The following CDH18 variants were observed in gnomAD, a reference collection of about 807,000 sequenced individuals.
The protein encoded by CDH18 is cadherin-18.
In CDH18, 31 loss-of-function variants were observed where a neutral mutation model predicts 67.9. The ratio of observed to expected loss-of-function variants is 0.46; its 90% CI spans 0.34 to 0.62. The LOEUF (loss-of-function observed/expected upper bound fraction) is 0.62. Ranked by LOEUF, CDH18 falls within the 20% of genes least tolerant of loss-of-function variation. The probability of loss-of-function intolerance (pLI) is 0.01; values close to 1 mark genes in which losing one functional copy is unlikely to be tolerated. For missense variants in CDH18, 890 were observed against 975.5 expected (o/e 0.91, Z 1.17); for synonymous variants, 362 against 347.2 (o/e 1.04, Z -0.48).
intron 1 of CDH18, among the ~76,000 whole-genome samples, chr5:20,507,348 C>T (rs973773381): frequency 6.6e-6 from 1 of 152,122 alleles, no homozygotes; most frequent in Non-Finnish European, 1.5e-5. Context: ...GCAATTGTCA[C>T]GCAGGAGCTC....
chr5:19,485,436 T>C (rs562082270), intron 11 of CDH18, among the ~76,000 whole-genome samples: 1 of 152,184 alleles, frequency 6.6e-6, no homozygotes, highest in South Asian at 2.1e-4. Context: ...TTTGTATTTT[T>C]AGTAGAGACG....
rs144277942 is a variant in CDH18 at position 20,058,504 on chromosome 5, G to C, written c.-517-66490C>G. On this transcript the variant is annotated intron_variant, in intron 2 of 14. Coordinates refer to the CDH18 transcript ENST00000507958. ...GGAACGTTATTATTGAGCCTTACTTGATATAATTTTGAACTTCAGGCTGCA... is the reference window on the plus strand; with the variant it reads ...GGAACGTTATTATTGAGCCTTACTTCATATAATTTTGAACTTCAGGCTGCA... Among the ~76,000 whole-genome samples, 111 of 152,180 alleles carry C rather than the reference G, an allele frequency of 7.3e-4. 3 individuals carry two copies. The East Asian group carries it at 0.017, about 23-fold the overall frequency.
intron 5 of CDH18, among the ~76,000 whole-genome samples, chr5:19,709,620 C>CAGAAAGAG (rs1764443371): frequency 9.1e-6 from 1 of 110,300 alleles, no homozygotes; most frequent in Non-Finnish European, 1.9e-5. Context: ...GACAGAATGA[C>CAGAAAGAG]AGAAAGAGAG....
chr5:20,284,034 G>T (rs11951623), intron 1 of CDH18, among the ~76,000 whole-genome samples: 1 of 151,786 alleles, frequency 6.6e-6, no homozygotes, highest in East Asian at 1.9e-4. Flanking sequence ...CACTTTGGGA[G>T]CTAAATAAAT....
chr5:20,395,750 G>C (rs1745228286), intron 1 of CDH18, among the ~76,000 whole-genome samples: 1 of 152,106 alleles, frequency 6.6e-6, no homozygotes, highest in Admixed American at 6.5e-5. Flanking sequence ...CAAAGTGTGA[G>C]CTGCTTGCCA....
At chr5:19,632,349 T>C (rs1015505674) in intron 5 of CDH18, among the ~76,000 whole-genome samples, 4 of 152,172 alleles carry the variant, frequency 2.6e-5, no homozygotes, top group African/African-American at 9.6e-5. Flanking sequence ...ATTATTTGTA[T>C]TAATAGTTCT....
intron 3 of CDH18, among the ~76,000 whole-genome samples, chr5:19,775,703 G>A (rs559398711): frequency 6.6e-6 from 1 of 152,104 alleles, no homozygotes; most frequent in East Asian, 1.9e-4. Flanking sequence ...AGATTTAGAC[G>A]GAGACAAATA....
intron 2 of CDH18, among the ~76,000 whole-genome samples, chr5:20,115,092 C>T (rs1044757111): frequency 2.0e-5 from 3 of 151,816 alleles, no homozygotes; most frequent in African/African-American, 7.3e-5. Context: ...CTGGAGTCTG[C>T]AATGTTCAAG....
At chr5:19,676,359 T>C (rs1212707237) in intron 5 of CDH18, among the ~76,000 whole-genome samples, 2 of 151,992 alleles carry the variant, frequency 1.3e-5, no homozygotes, top group Non-Finnish European at 2.9e-5. Context: ...TGTGAGATAC[T>C]ATATAAGATG....
At chr5:20,271,924 C>CAGAGAGAGAGAGAGAGAGAGAGAG (rs201955881) in intron 1 of CDH18, among the ~76,000 whole-genome samples, 2 of 146,642 alleles carry the variant, frequency 1.4e-5, no homozygotes, top group Middle Eastern at 3.5e-3. Flanking sequence ...TGTAGAGAGG[C>CAGAGAGAGAGAGAGAGAGAGAGAG]AGAGAGAGAG....
chr5:20,296,271 T>G lies in CDH18; in HGVS notation c.-579-40766A>C, dbSNP rs181318136. ...TTGTTTTTGTTTTTTGTTTTTTTTT[T>G]GAGAGGGAGTCTCACTCTGTTGCCC... On this transcript the variant is annotated intron_variant, in intron 1 of 14. Transcript: ENST00000507958. Among the ~76,000 whole-genome samples, 1,245 of 151,228 alleles carry G rather than the reference T, an allele frequency of 8.2e-3. 16 individuals are homozygous for G. Among genetic ancestry groups the G allele is most frequent in the Non-Finnish European group, 0.014 (941 of 67,754 alleles).
At chr5:20,460,472 C>A (rs1035662546) in intron 1 of CDH18, among the ~76,000 whole-genome samples, 1 of 151,746 alleles carries the variant, frequency 6.6e-6, no homozygotes, top group Non-Finnish European at 1.5e-5. Context: ...GCATCTTATC[C>A]GGGGCAGGTA....
At chr5:19,821,187 C>T (rs1008890615) in intron 3 of CDH18, among the ~76,000 whole-genome samples, 18 of 152,024 alleles carry the variant, frequency 1.2e-4, no homozygotes, top group Non-Finnish European at 2.5e-4. Context: ...AAGTTGAAAC[C>T]CAATCCAAAG....
At chr5:20,356,233 A>G (rs914354656) in intron 1 of CDH18, among the ~76,000 whole-genome samples, 1 of 152,136 alleles carries the variant, frequency 6.6e-6, no homozygotes, top group Non-Finnish European at 1.5e-5. Flanking sequence ...AAATGCAAAA[A>G]TTAGCTGGGC....
rs560992781 is a variant in CDH18 at position 19,887,743 on chromosome 5, T to A, written c.-256-48501A>T. Among the ~76,000 whole-genome samples, 224 of 151,512 alleles carry A rather than the reference T, an allele frequency of 1.5e-3. 1 individual carries two copies. Among genetic ancestry groups the A allele is most frequent in the Middle Eastern group, 6.8e-3 (2 of 294 alleles). On this transcript the variant is annotated intron_variant, in intron 2 of 12. Coordinates refer to ENST00000382275, the MANE Select transcript of CDH18 (RefSeq NM_004934.5). ...CACCACCATGTGTTTTTTTTTTTTT[T>A]AATTTTTTTGTAAAGACTGGGTCTC... is the stretch of plus-strand genomic sequence containing the variant.
At chr5:19,744,503 TACACACACACACACACACACAC>T (rs34059092) in intron 4 of CDH18, among the ~76,000 whole-genome samples, 1 of 146,270 alleles carries the variant, frequency 6.8e-6, no homozygotes, top group Non-Finnish European at 1.5e-5. Context: ...TAACTCAGTG[TACACACACACACACACACACAC>T]ACACACACAC....
chr5:19,480,197 T>C (rs1368864214), intron 12 of CDH18, among the ~76,000 whole-genome samples: 1 of 152,136 alleles, frequency 6.6e-6, no homozygotes, highest in Non-Finnish European at 1.5e-5. Context: ...TGACTTCAGT[T>C]AGGACTCTAG....
intron 1 of CDH18, among the ~76,000 whole-genome samples, chr5:20,418,242 A>ATT (rs58308147): frequency 0.03 from 1,690 of 56,864 alleles, 95 homozygotes; most frequent in African/African-American, 0.037. Context: ...CTGCTGGCTA[A>ATT]TTTTTTTTTT....
chr5:19,962,635 G>A (rs1365718681), intron 2 of CDH18, among the ~76,000 whole-genome samples: 1 of 151,838 alleles, frequency 6.6e-6, no homozygotes, highest in East Asian at 1.9e-4. Flanking sequence ...AGTTGGCTGG[G>A]CATGGTGGCA....
Sources: gnomAD v4.1 joint callset for allele counts (sites outside exome capture counted in the v4.1 genomes callset) on GRCh38, gnomAD v4.1.1 for gene constraint, MANE v1.5 for transcripts, NCBI Gene and HGNC (gene_info 2026-07-23, HGNC 2026-07-21) for gene names.